TMEM185A: variants seen among roughly 807,000 people sequenced by gnomAD.
TMEM185A encodes the protein transmembrane protein 185A, also known as family with sequence similarity 11, member A.
Under a neutral mutation model 25.0 loss-of-function variants are expected in TMEM185A, and 9 were observed. The ratio of observed to expected loss-of-function variants is 0.36; its 90% CI spans 0.22 to 0.63. TMEM185A has a LOEUF of 0.63. Ranked by LOEUF, TMEM185A falls within the 20% of genes least tolerant of loss-of-function variation. The probability of loss-of-function intolerance (pLI) is 0.68; values close to 1 mark genes in which losing one functional copy is unlikely to be tolerated. For synonymous variants in TMEM185A, 45 were observed against 93.5 expected, an observed-to-expected ratio of 0.48 and a Z score of 2.99; for missense variants, 103 against 237.4, an observed-to-expected ratio of 0.43 and a Z score of 3.72.
intron 3 of TMEM185A, among the ~76,000 whole-genome samples, chrX:149,604,358 G>C (rs2090034245): frequency 8.9e-6 from 1 of 111,870 alleles, no homozygotes; most frequent in Non-Finnish European, 1.9e-5. Flanking sequence ...GGGAACACAG[G>C]CTAGCTGCAA....
At chrX:149,618,671 T>C (rs1464091390) in intron 1 of TMEM185A, among the ~76,000 whole-genome samples, 4 of 111,854 alleles carry the variant, frequency 3.6e-5, no homozygotes, top group Non-Finnish European at 5.7e-5. Flanking sequence ...GTTATCCCTA[T>C]TGGTATTTAA....
intron 4 of TMEM185A, chrX:149,603,764 C>CA (rs782075058): frequency 4.4e-5 from 13 of 294,550 alleles, no homozygotes; most frequent in African/African-American, 2.5e-4. Flanking sequence ...AACATTAAAA[C>CA]AAAAAAATCA....
At chrX:149,604,996 C>G (rs2090038981) in intron 3 of TMEM185A, among the ~76,000 whole-genome samples, 2 of 111,966 alleles carry the variant, frequency 1.8e-5, no homozygotes, top group South Asian at 7.5e-4. Flanking sequence ...TCAGTCTTCT[C>G]TCCCGACTAG....
At chrX:149,611,964 A>AT (rs1557354552) in intron 1 of TMEM185A, among the ~76,000 whole-genome samples, 1 of 112,496 alleles carries the variant, frequency 8.9e-6, no homozygotes, top group African/African-American at 3.2e-5. Flanking sequence ...TATTTCTAAA[A>AT]AGGCAGCCAT....
intron 4 of TMEM185A, 66 bp downstream of exon 4, chrX:149,603,921 A>T: frequency 1.0e-6 from 1 of 956,739 alleles, no homozygotes; most frequent in Non-Finnish European, 1.5e-6. Flanking sequence ...CAAGCTTTGT[A>T]CAGTGAATAT....
intron 3 of TMEM185A, chrX:149,608,333 CT>C (rs781794975): frequency 0.057 from 8,441 of 146,870 alleles, no homozygotes; most frequent in East Asian, 0.089. Flanking sequence ...TGAAAACATT[CT>C]TTTTTTTTTT....
chrX:149,606,720 C>T (rs1341340179), intron 3 of TMEM185A: 1 of 112,567 alleles, frequency 8.9e-6, no homozygotes, highest in East Asian at 2.8e-4. Flanking sequence ...TACTCCAGAC[C>T]ACCCCCTCAC....
At chrX:149,606,552 T>C (rs1215273104) in intron 3 of TMEM185A, among the ~76,000 whole-genome samples, 2 of 112,218 alleles carry the variant, frequency 1.8e-5, no homozygotes, top group Non-Finnish European at 3.8e-5. Context: ...CCTTTCCACC[T>C]TGTGCTCCCG....
At chrX:149,615,156 AT>A (rs1337712461) in intron 1 of TMEM185A, among the ~76,000 whole-genome samples, 1 of 112,421 alleles carries the variant, frequency 8.9e-6, no homozygotes, top group East Asian at 2.8e-4. Flanking sequence ...GGATTGCAAG[AT>A]TGCAATCTTG....
intron 1 of TMEM185A, among the ~76,000 whole-genome samples, chrX:149,611,832 G>A (rs1195329871): frequency 1.8e-5 from 2 of 111,573 alleles, no homozygotes; most frequent in Non-Finnish European, 3.8e-5. Flanking sequence ...GAAGCTGCCA[G>A]GCAGGAAAGC....
chrX:149,614,641 A>C (rs2090101597), intron 1 of TMEM185A, among the ~76,000 whole-genome samples: 1 of 111,864 alleles, frequency 8.9e-6, no homozygotes, highest in African/African-American at 3.2e-5. Flanking sequence ...AAATCAATGA[A>C]ACTAAAAGCA....
intron 1 of TMEM185A, among the ~76,000 whole-genome samples, chrX:149,626,197 G>A (rs190523218): frequency 8.9e-6 from 1 of 112,190 alleles, no homozygotes; most frequent in Admixed American, 9.4e-5. Flanking sequence ...TACTCAAGAA[G>A]TCACAGCTAT....
intron 1 of TMEM185A, among the ~76,000 whole-genome samples, chrX:149,620,995 A>C (rs1557355475): frequency 8.9e-6 from 1 of 112,095 alleles, no homozygotes; most frequent in Non-Finnish European, 1.9e-5. Flanking sequence ...ATATTCCAAA[A>C]TCTAAAAAAA....
intron 1 of TMEM185A, among the ~76,000 whole-genome samples, chrX:149,620,310 A>T (rs1272843692): frequency 8.9e-6 from 1 of 112,263 alleles, no homozygotes; most frequent in Non-Finnish European, 1.9e-5. Context: ...TGAAAACAGC[A>T]GCTTGTAACT....
At chrX:149,602,944 A>G (rs1204022029) in intron 4 of TMEM185A, among the ~76,000 whole-genome samples, 2 of 112,312 alleles carry the variant, frequency 1.8e-5, no homozygotes, top group African/African-American at 3.2e-5. Context: ...ATTCTTTACT[A>G]TACTTTTCAC....
chrX:149,615,021 A>C, intron 1 of TMEM185A, among the ~76,000 whole-genome samples: 1 of 112,366 alleles, frequency 8.9e-6, no homozygotes, highest in Non-Finnish European at 1.9e-5. Context: ...CAAAACTGAC[A>C]AAGAAAGAAA....
At chrX:149,625,433 T>A (rs2090158902) in intron 1 of TMEM185A, among the ~76,000 whole-genome samples, 1 of 112,740 alleles carries the variant, frequency 8.9e-6, no homozygotes, top group African/African-American at 3.2e-5. Context: ...AAATTATACA[T>A]TCAAATGAGA....
intron 1 of TMEM185A, among the ~76,000 whole-genome samples, chrX:149,631,024 G>C (rs1370774382): frequency 9.0e-6 from 1 of 111,115 alleles, no homozygotes; most frequent in East Asian, 2.8e-4. Flanking sequence ...CTGACTCCAA[G>C]GATTCAACAG....
At chrX:149,621,573 A>G (rs1872608062) in intron 1 of TMEM185A, among the ~76,000 whole-genome samples, 1 of 112,254 alleles carries the variant, frequency 8.9e-6, no homozygotes, top group Non-Finnish European at 1.9e-5. Context: ...TTTAAAAAGC[A>G]TAAACCTAGT....
Sources: gnomAD v4.1 joint callset for allele counts (sites outside exome capture counted in the v4.1 genomes callset) on GRCh38, gnomAD v4.1.1 for gene constraint, MANE v1.5 for transcripts, NCBI Gene and HGNC (gene_info 2026-07-23, HGNC 2026-07-21) for gene names.